The following ZFAT variants were observed in gnomAD, a reference collection of about 807,000 sequenced individuals.
ZFAT encodes the protein zinc finger and AT-hook domain containing.
In ZFAT, 64 loss-of-function variants were observed where a neutral mutation model predicts 117.7. The ratio of observed to expected loss-of-function variants is 0.54; its 90% CI spans 0.44 to 0.67. ZFAT has a LOEUF of 0.67. Among genes scored for constraint, ZFAT ranks in the 30% least tolerant of loss-of-function variants. ZFAT has a pLI of 0.00. For missense variants in ZFAT, 1,433 were observed against 1,584.5 expected, an observed-to-expected ratio of 0.90 and a Z score of 1.62; for synonymous variants, 679 against 615.0, an observed-to-expected ratio of 1.10 and a Z score of -1.54.
intron 3 of ZFAT, among the ~76,000 whole-genome samples, chr8:134,632,245 C>T (rs763540774): frequency 6.6e-6 from 1 of 152,196 alleles, no homozygotes; most frequent in Admixed American, 6.5e-5. Flanking sequence ...AACATATTCT[C>T]TCTTCCTTAT....
chr8:134,493,460 CAG>C (rs1297668938), intron 15 of ZFAT, among the ~76,000 whole-genome samples: 1 of 152,216 alleles, frequency 6.6e-6, no homozygotes, highest in Non-Finnish European at 1.5e-5. Context: ...CACTGGGCAA[CAG>C]AAAGAGGATG....
chr8:134,601,562 C>A lies in ZFAT; in HGVS notation c.2157G>T (p.Leu719=), dbSNP rs376144026. Residue 719 remains leucine, a synonymous_variant, in exon 6 of 16, where the codon CTG becomes CTT. Coordinates refer to ENST00000377838, the MANE Select transcript of ZFAT (RefSeq NM_020863.4). ...TCATTTGCTTCTTCTGTAAACTGTTCAGGACCTTCATGAAAGCGGTGATGC... is the reference window on the plus strand; with the variant it reads ...TCATTTGCTTCTTCTGTAAACTGTTAAGGACCTTCATGAAAGCGGTGATGC... ...RSGITAFMKV[L]NSLQKKQMNT... The A allele has an allele frequency of 3.1e-5, 50 of 1,614,094 alleles. No individual in the cohort carries two copies. The Middle Eastern group carries it at 6.6e-4, about 21-fold the overall frequency.
chr8:134,761,982 ATGTGTGTGTGTGTG>A, the ZFAT span, among the ~76,000 whole-genome samples: 4 of 147,126 alleles, frequency 2.7e-5, no homozygotes, highest in African/African-American at 1.0e-4. Flanking sequence ...TTCTCTCTGT[ATGTGTGTGTGTGTG>A]TGTGTGTGTG....
At chr8:134,633,699 G>A (rs116621888) in intron 3 of ZFAT, among the ~76,000 whole-genome samples, 5,084 of 152,264 alleles carry the variant, frequency 0.033, 276 homozygotes, top group African/African-American at 0.12. Context: ...CAAAGCCAAC[G>A]GCTGAAACAT....
intron 2 of ZFAT, among the ~76,000 whole-genome samples, chr8:134,643,769 C>T (rs1343557671): frequency 3.9e-5 from 6 of 152,334 alleles, no homozygotes; most frequent in African/African-American, 1.4e-4. Context: ...CTGTTACTAG[C>T]TCATCCCCTC....
At chr8:134,667,106 G>A (rs1274184339) in intron 1 of ZFAT, among the ~76,000 whole-genome samples, 1 of 152,158 alleles carries the variant, frequency 6.6e-6, no homozygotes, top group Admixed American at 6.5e-5. Flanking sequence ...GACATAGGGA[G>A]GGGAACATCA....
chr8:134,733,210 T>G, the ZFAT span, among the ~76,000 whole-genome samples: 8 of 152,214 alleles, frequency 5.3e-5, no homozygotes, highest in Non-Finnish European at 4.4e-5. Flanking sequence ...ATATCTGGTC[T>G]GGGAACATAG....
chr8:134,532,815 T>G lies in ZFAT; in HGVS notation c.3115+19A>C, dbSNP rs28621035. The G allele has an allele frequency of 0.17, 271,768 of 1,606,816 alleles. 24,958 individuals are homozygous for G. Among genetic ancestry groups the G allele is most frequent in the African/African-American group, 0.26 (19,208 of 74,940 alleles). On this transcript the variant is annotated intron_variant, in intron 12 of 15. Transcript: ENST00000377838. ...AAAAGGAAGCGGGCAGGGCCCCAGC[T>G]CGCTGGCCCCTCGCCTACCTTGCTG...
the ZFAT span, among the ~76,000 whole-genome samples, chr8:134,755,511 T>C: frequency 1.4e-4 from 21 of 151,968 alleles, no homozygotes; most frequent in African/African-American, 4.6e-4. Context: ...TCTTTTTGGC[T>C]TAAGATAGTT....
chr8:134,504,222 C>T (rs1482975845), intron 15 of ZFAT, among the ~76,000 whole-genome samples: 2 of 152,156 alleles, frequency 1.3e-5, no homozygotes, highest in African/African-American at 4.8e-5. Flanking sequence ...GGGAGCCCAA[C>T]TCCCTCCCCC....
intron 2 of ZFAT, among the ~76,000 whole-genome samples, chr8:134,653,164 T>C (rs1403860888): frequency 6.8e-6 from 1 of 146,980 alleles, no homozygotes; most frequent in Non-Finnish European, 1.5e-5. Flanking sequence ...GGTTTTTTTT[T>C]TCATTATTAT....
rs78590962 is a variant in ZFAT at position 134,620,726 on chromosome 8, C to T, written c.449-10071G>A. Among the ~76,000 whole-genome samples the T allele has an allele frequency of 1.8e-3, 278 of 152,302 alleles. 1 individual carries two copies. Among genetic ancestry groups the T allele is most frequent in the African/African-American group, 6.3e-3 (263 of 41,568 alleles). ...ATCCAAGCCCCCTAGCTGATGCTGA[C>T]GGGGAATTTTGGATAATTTACTAAC... On this transcript the variant is annotated intron_variant, in intron 3 of 15. Transcript: ENST00000377838.
intron 10 of ZFAT, among the ~76,000 whole-genome samples, chr8:134,576,244 G>A (rs1325434476): frequency 2.0e-5 from 3 of 152,158 alleles, no homozygotes; most frequent in Non-Finnish European, 4.4e-5. Context: ...TATAGTATGG[G>A]CCCACTTATT....
chr8:134,764,597 T>C, the ZFAT span, among the ~76,000 whole-genome samples: 40 of 152,364 alleles, frequency 2.6e-4, no homozygotes, highest in East Asian at 7.5e-3. Flanking sequence ...AGCTTGAATG[T>C]GGCTCACTGA....
intron 1 of ZFAT, among the ~76,000 whole-genome samples, chr8:134,690,255 C>G (rs1165563145): frequency 6.6e-6 from 1 of 152,188 alleles, no homozygotes; most frequent in Non-Finnish European, 1.5e-5. Context: ...CTTTGAGATT[C>G]AAGAGTTAGG....
In ZFAT at chr8:134,601,517, C is replaced by T; in HGVS notation, c.2202G>A (p.Arg734=). Residue 734 remains arginine (R), a synonymous_variant, in exon 6 of 16, where the codon CGG becomes CGA. Coordinates refer to ENST00000377838, the MANE Select transcript of ZFAT (RefSeq NM_020863.4). ...CCAGGTCTCCATAAACCTTCCGGAT[C>T]CGCTCACACAAGCTGGTGTTCATTT... is the stretch of plus-strand genomic sequence containing the variant. ...KKQMNTSLCE[R]IRKVYGDLEC... is the part of the protein sequence containing the mutation. 2 of 1,614,060 alleles carry T rather than the reference C, an allele frequency of 1.2e-6. No individual in the cohort carries two copies. The highest frequency in any genetic ancestry group is 1.7e-6 in the Non-Finnish European group (2 of 1,179,924).
chr8:134,675,738 G>A (rs554500230), intron 1 of ZFAT, among the ~76,000 whole-genome samples: 34 of 152,274 alleles, frequency 2.2e-4, no homozygotes, highest in South Asian at 4.1e-4. Flanking sequence ...GACTAACAGC[G>A]GATCTCTCGG....
At chr8:134,615,199 G>A (rs1415929557) in intron 3 of ZFAT, among the ~76,000 whole-genome samples, 1 of 152,084 alleles carries the variant, frequency 6.6e-6, no homozygotes, top group Non-Finnish European at 1.5e-5. Flanking sequence ...CCAGTGCTCT[G>A]GACACTGTCC....
intron 14 of ZFAT, among the ~76,000 whole-genome samples, chr8:134,511,550 G>A (rs1193242260): frequency 6.6e-5 from 10 of 152,084 alleles, no homozygotes; most frequent in Admixed American, 5.9e-4. Context: ...TGGAGTTTGG[G>A]GTTTTAGGAA....
Sources: gnomAD v4.1 joint callset for allele counts (sites outside exome capture counted in the v4.1 genomes callset) on GRCh38, gnomAD v4.1.1 for gene constraint, MANE v1.5 for transcripts, NCBI Gene and HGNC (gene_info 2026-07-23, HGNC 2026-07-21) for gene names.